Variants in FRMD3 observed in about 807,000 individuals in gnomAD.
FRMD3 encodes FERM domain containing 3.
FRMD3 carries 33 observed loss-of-function variants against 70.2 expected under a neutral mutation model. The observed-to-expected ratio is 0.47, with a 90% CI of 0.36 to 0.63. The LOEUF (loss-of-function observed/expected upper bound fraction) is 0.63. Ranked by LOEUF, FRMD3 falls within the 20% of genes least tolerant of loss-of-function variation. The pLI is 0.00. For synonymous variants in FRMD3, 279 were observed against 255.9 expected, an observed-to-expected ratio of 1.09 and a Z score of -0.86; for missense variants, 632 against 711.4, an observed-to-expected ratio of 0.89 and a Z score of 1.27.
intron 1 of FRMD3, among the ~76,000 whole-genome samples, chr9:83,454,780 C>T (rs149876101): frequency 2.0e-5 from 3 of 152,146 alleles, no homozygotes; most frequent in African/African-American, 4.8e-5. Context: ...GGCTTTTATG[C>T]CTGTCTATTC....
chr9:83,363,404 C>A (rs1824673550), intron 3 of FRMD3, among the ~76,000 whole-genome samples: 2 of 152,042 alleles, frequency 1.3e-5, no homozygotes, highest in South Asian at 4.1e-4. Context: ...ATAATTTATC[C>A]TTGCAAAAAT....
At chr9:83,294,229 C>G (rs1006890035) in intron 12 of FRMD3, among the ~76,000 whole-genome samples, 1 of 152,170 alleles carries the variant, frequency 6.6e-6, no homozygotes, top group African/African-American at 2.4e-5. Context: ...CAAGAAGGCA[C>G]CATCTATGAG....
intron 1 of FRMD3, among the ~76,000 whole-genome samples, chr9:83,446,646 C>CAA (rs780150860): frequency 0.089 from 7,368 of 83,028 alleles, 353 homozygotes; most frequent in South Asian, 0.18. Context: ...GACTCGGTCT[C>CAA]AAAAAAAAAA....
At chr9:83,441,380 T>C (rs1827290370) in intron 1 of FRMD3, among the ~76,000 whole-genome samples, 1 of 152,172 alleles carries the variant, frequency 6.6e-6, no homozygotes, top group Non-Finnish European at 1.5e-5. Flanking sequence ...TCCTGACACA[T>C]TAGTTATTTA....
At chr9:83,434,154 C>A (rs916209460) in intron 1 of FRMD3, among the ~76,000 whole-genome samples, 1 of 152,204 alleles carries the variant, frequency 6.6e-6, no homozygotes, top group African/African-American at 2.4e-5. Context: ...ATATCAAATT[C>A]TCCCCAAACT....
intron 1 of FRMD3, among the ~76,000 whole-genome samples, chr9:83,488,313 T>C (rs574997971): frequency 3.3e-5 from 5 of 152,240 alleles, no homozygotes; most frequent in Non-Finnish European, 5.9e-5. Context: ...AATATAAGCA[T>C]TTTATTCAAA....
In FRMD3 at chr9:83,448,129, A is replaced by G. The variant is rs558353669; in HGVS notation, c.148-58421T>C. ...TGGTGCTTCAGTGTATGAGAGTCCA[A>G]TTTCAACATTACTTCCCCTGCTGCA... On this transcript the variant is annotated intron_variant, in intron 1 of 13. Coordinates refer to ENST00000304195, the MANE Select transcript of FRMD3 (RefSeq NM_174938.6). Among the ~76,000 whole-genome samples the G allele has an allele frequency of 5.9e-5, 9 of 152,290 alleles. No homozygotes were observed. The South Asian group carries it at 1.0e-3, about 18-fold the overall frequency.
At chr9:83,385,539 G>T (rs1181694178) in intron 2 of FRMD3, among the ~76,000 whole-genome samples, 2 of 152,162 alleles carry the variant, frequency 1.3e-5, no homozygotes, top group Admixed American at 6.6e-5. Flanking sequence ...AACATATGGT[G>T]TTCCAAATGC....
In FRMD3 at chr9:83,246,019, TG is replaced by T; in HGVS notation, c.*1898del. The T allele has an allele frequency of 1.0e-6, 1 of 985,334 alleles. No homozygotes were observed. The highest frequency in any genetic ancestry group is 1.2e-6 in the Non-Finnish European group (1 of 829,864). The allele number at this position is 985,334 out of a possible 1,614,324, so 61.0% of individuals were successfully genotyped here. A position where few individuals can be genotyped will look rare whatever the true frequency, so the allele number is the denominator to read the frequency against. On this transcript the variant is annotated 3_prime_UTR_variant, in exon 14 of 14. Transcript: ENST00000304195. ...AGGAAAGGAAACCCCTCAAACTTAA[TG>T]GCAAATATATAGTCATTTGCTCGAC...
At chr9:83,378,630 A>T (rs1171923837) in intron 2 of FRMD3, among the ~76,000 whole-genome samples, 3 of 132,246 alleles carry the variant, frequency 2.3e-5, no homozygotes, top group Non-Finnish European at 3.1e-5. Flanking sequence ...TACATAATTT[A>T]TATATATAAT....
At chr9:83,331,273 G>A (rs1359610375) in intron 6 of FRMD3, among the ~76,000 whole-genome samples, 1 of 152,144 alleles carries the variant, frequency 6.6e-6, no homozygotes, top group Non-Finnish European at 1.5e-5. Context: ...TATGCCAAAA[G>A]GAAATGAGCT....
chr9:83,547,963 A>G, the FRMD3 span, among the ~76,000 whole-genome samples: 1 of 152,242 alleles, frequency 6.6e-6, no homozygotes, highest in Non-Finnish European at 1.5e-5. Context: ...AAGTATATGA[A>G]ACAATACTCA....
At chr9:83,442,336 C>T (rs1294125159) in intron 1 of FRMD3, among the ~76,000 whole-genome samples, 1 of 149,730 alleles carries the variant, frequency 6.7e-6, no homozygotes, top group Admixed American at 6.7e-5. Context: ...CAGCTCACTG[C>T]AGCCTCCACC....
chr9:83,371,317 A>G (rs1018947914), intron 3 of FRMD3, among the ~76,000 whole-genome samples: 2 of 109,968 alleles, frequency 1.8e-5, no homozygotes, highest in Admixed American at 2.0e-4. Context: ...CCCCTGTCTT[A>G]TTACTTTTTT....
chr9:83,264,606 C>T (rs1300246723), intron 13 of FRMD3, among the ~76,000 whole-genome samples: 1 of 152,062 alleles, frequency 6.6e-6, no homozygotes, highest in African/African-American at 2.4e-5. Context: ...TTTAATTTTA[C>T]TGTGAACCTA....
chr9:83,437,900 G>A (rs141315079), intron 1 of FRMD3, among the ~76,000 whole-genome samples: 55 of 152,320 alleles, frequency 3.6e-4, no homozygotes, highest in African/African-American at 1.1e-3. Flanking sequence ...CTAAGTGAGC[G>A]AAGCAGGGGG....
intron 9 of FRMD3, 24 bp from the exon 10 acceptor site, chr9:83,309,648 G>C: frequency 3.5e-6 from 5 of 1,431,958 alleles, no homozygotes; most frequent in Non-Finnish European, 4.8e-6. Context: ...AACAAAACAA[G>C]AAAAGGCACG....
At chr9:83,357,408 A>C (rs1191656912) in intron 3 of FRMD3, among the ~76,000 whole-genome samples, 1 of 150,712 alleles carries the variant, frequency 6.6e-6, no homozygotes, top group Non-Finnish European at 1.5e-5. Flanking sequence ...TCTCTTTCGT[A>C]TAATGACTTC....
chr9:83,493,296 G>C (rs1828871292), intron 1 of FRMD3, among the ~76,000 whole-genome samples: 1 of 152,196 alleles, frequency 6.6e-6, no homozygotes, highest in Non-Finnish European at 1.5e-5. Context: ...ACTTCCTCAA[G>C]TTTAGGAAAT....
Sources: allele counts gnomAD v4.1 joint callset (sites outside exome capture counted in the v4.1 genomes callset), GRCh38; gene constraint gnomAD v4.1.1; transcripts MANE v1.5; gene names NCBI Gene and HGNC (gene_info 2026-07-23, HGNC 2026-07-21).